Variants in TOPAZ1 observed in about 807,000 individuals in gnomAD.
The protein encoded by TOPAZ1 is testis and ovary specific TOPAZ 1, also known as protein TOPAZ1.
TOPAZ1 carries 66 observed loss-of-function variants against 172.2 expected under a neutral mutation model. The observed-to-expected ratio is 0.38, with a 90% CI of 0.31 to 0.47. The LOEUF is 0.47. Ranked by LOEUF, TOPAZ1 falls within the 20% of genes least tolerant of loss-of-function variation. The probability of loss-of-function intolerance (pLI) is 0.99; values close to 1 mark genes in which losing one functional copy is unlikely to be tolerated. For missense variants in TOPAZ1, 1,822 were observed against 1,972.4 expected (o/e 0.92, Z 1.44); for synonymous variants, 681 against 683.9 (o/e 1.00, Z 0.07).
At chr3:44,304,815 C>T (rs1700316336) in intron 13 of TOPAZ1, among the ~76,000 whole-genome samples, 1 of 152,178 alleles carries the variant, frequency 6.6e-6, no homozygotes, top group Non-Finnish European at 1.5e-5. Context: ...TCAAATTATG[C>T]TGCTCATCAT....
intron 16 of TOPAZ1, among the ~76,000 whole-genome samples, chr3:44,311,162 G>T (rs1700393972): frequency 6.6e-6 from 1 of 152,056 alleles, no homozygotes; most frequent in Non-Finnish European, 1.5e-5. Context: ...TCATATATGG[G>T]AAATATATGT....
chr3:44,291,345 G>A (rs1700135488), intron 12 of TOPAZ1, among the ~76,000 whole-genome samples: 2 of 149,504 alleles, frequency 1.3e-5, no homozygotes, highest in South Asian at 4.2e-4. Flanking sequence ...GCTCACGCCT[G>A]TAATCCCAGC....
intron 4 of TOPAZ1, among the ~76,000 whole-genome samples, chr3:44,256,727 C>A (rs1398549227): frequency 6.6e-6 from 1 of 152,024 alleles, no homozygotes; most frequent in Non-Finnish European, 1.5e-5. Flanking sequence ...CTTCTAATAC[C>A]ATGGTAGGCT....
intron 18 of TOPAZ1, 140 bp downstream of exon 18, chr3:44,323,435 C>A: frequency 2.1e-6 from 1 of 479,934 alleles, no homozygotes; most frequent in Non-Finnish European, 3.5e-6. Context: ...CTCAACAGAT[C>A]TGTGCTCTCT....
At chr3:44,264,961 G>T (rs1699814156) in intron 5 of TOPAZ1, among the ~76,000 whole-genome samples, 1 of 152,162 alleles carries the variant, frequency 6.6e-6, no homozygotes, top group Non-Finnish European at 1.5e-5. Flanking sequence ...CTCCACATTT[G>T]CAGTGACTTC....
At chr3:44,248,834 C>A (rs767768353) in intron 2 of TOPAZ1, among the ~76,000 whole-genome samples, 1 of 152,140 alleles carries the variant, frequency 6.6e-6, no homozygotes, top group Non-Finnish European at 1.5e-5. Context: ...AACAAGTAGA[C>A]AAACTTGAGC....
At chr3:44,285,229 G>A (rs1700064962) in intron 9 of TOPAZ1, among the ~76,000 whole-genome samples, 1 of 152,126 alleles carries the variant, frequency 6.6e-6, no homozygotes, top group Non-Finnish European at 1.5e-5. Flanking sequence ...CTGGGAGCCT[G>A]AGGTGGGTGG....
At position 44,321,046 on chromosome 3, in the gene TOPAZ1, T is replaced by C; in HGVS notation, c.4326T>C (p.Asn1442=). The change falls in exon 17 of 20, where the codon AAT becomes AAC. Residue 1442 remains asparagine (N), a synonymous_variant. Coordinates refer to ENST00000309765, the MANE Select transcript of TOPAZ1 (RefSeq NM_001145030.2). ...WVMRESEWII[N]TPLWPCDRLD... ...TGGAAGAGTCAGAGTGGATAATCAATACGCCTCTGTGGCCTTGTGATAGAC... is the reference window on the plus strand; with the variant it reads ...TGGAAGAGTCAGAGTGGATAATCAACACGCCTCTGTGGCCTTGTGATAGAC... 1 of 1,548,068 alleles carries C rather than the reference T, an allele frequency of 6.5e-7. No homozygotes were observed. The highest frequency in any genetic ancestry group is 8.7e-7 in the Non-Finnish European group (1 of 1,145,404).
chr3:44,260,903 T>C (rs1423122734), intron 4 of TOPAZ1, among the ~76,000 whole-genome samples: 2 of 152,192 alleles, frequency 1.3e-5, no homozygotes, highest in African/African-American at 4.8e-5. Context: ...TTCTACCATT[T>C]ATTGAATCAT....
Position 44,243,824 on chromosome 3 carries a change from A to G in TOPAZ1, c.1318A>G (p.Met440Val), listed in dbSNP as rs1699521724. ...NASEPLGYESMASKEDFKSMK... is the reference protein window; with the variant it reads ...NASEPLGYESVASKEDFKSMK... Reference sequence around the variant, plus strand: ...TTCAGAGCCGTTAGGTTATGAAAGCATGGCATCGAAAGAGGATTTTAAATC... The same window carrying G: ...TTCAGAGCCGTTAGGTTATGAAAGCGTGGCATCGAAAGAGGATTTTAAATC... The change falls in exon 2 of 20, where the codon ATG (methionine) becomes GTG (valine). Residue 440 changes from methionine to valine, a missense_variant. Around this residue, in one of 2 missense-constraint regions of TOPAZ1, gnomAD observed 1,489 missense variants for 1,490.8 expected, o/e 1.00. Coordinates refer to ENST00000309765, the MANE Select transcript of TOPAZ1 (RefSeq NM_001145030.2). The G allele has an allele frequency of 2.6e-6, 4 of 1,551,662 alleles. No homozygotes were observed. In the African/African-American group the frequency reaches 4.1e-5, roughly 16 times the overall value.
chr3:44,296,385 A>C (rs1700194134), intron 12 of TOPAZ1, among the ~76,000 whole-genome samples: 1 of 151,072 alleles, frequency 6.6e-6, no homozygotes, highest in South Asian at 2.1e-4. Context: ...TGTTTGTTTG[A>C]AAAGATCAAT....
intron 12 of TOPAZ1, among the ~76,000 whole-genome samples, chr3:44,291,602 T>C (rs1700138823): frequency 7.7e-6 from 1 of 130,652 alleles, no homozygotes; most frequent in Non-Finnish European, 1.7e-5. Flanking sequence ...CAAAAATAAA[T>C]AAATAAATAA....
rs1559541186 is a variant in TOPAZ1, at chr3:44,296,871, A to AAAAAAG, written c.3797+5989_3797+5990insAGAAAA. Among the ~76,000 whole-genome samples, 32 of 140,234 alleles carry AAAAAAG rather than the reference A, an allele frequency of 2.3e-4. 1 individual carries two copies. Among genetic ancestry groups the AAAAAAG allele is most frequent in the African/African-American group, 6.2e-4 (23 of 37,354 alleles). 92.0% of individuals were successfully genotyped at this position (140,234 alleles called of 152,430 possible). A position where few individuals can be genotyped will look rare whatever the true frequency, so the allele number is the denominator to read the frequency against. On this transcript the variant is annotated intron_variant, in intron 12 of 19. Coordinates refer to ENST00000309765, the MANE Select transcript of TOPAZ1 (RefSeq NM_001145030.2). ...CCAAAAAAAAAAAAAAAAAGAAAAA[A>AAAAAAG]AAAAGAAAAGCAAATTACGGCCGGG...
At position 44,314,941 on chromosome 3, in the gene TOPAZ1, C is replaced by T. The variant is rs573069821; in HGVS notation, c.4306+4951C>T. ...ATAGTGACGTTTTCTCATACCTTAC[C>T]TGTGTTCCTAAACCATACCCCCTCA... On this transcript the variant is annotated intron_variant, in intron 16 of 19. Coordinates refer to ENST00000309765, the MANE Select transcript of TOPAZ1 (RefSeq NM_001145030.2). Among the ~76,000 whole-genome samples the T allele has an allele frequency of 1.4e-3, 219 of 152,196 alleles. 1 individual carries two copies. Among genetic ancestry groups the T allele is most frequent in the Non-Finnish European group, 2.4e-3 (162 of 68,040 alleles).
chr3:44,300,367 G>T (rs1463130120), intron 12 of TOPAZ1, among the ~76,000 whole-genome samples: 3 of 152,060 alleles, frequency 2.0e-5, no homozygotes, highest in Non-Finnish European at 4.4e-5. Context: ...AACCCAGGTT[G>T]TAGTGAACTG....
chr3:44,242,214 C>T lies in TOPAZ1; in HGVS notation c.161C>T (p.Ala54Val), dbSNP rs949705695. The change falls in exon 1 of 20, where the codon GCC becomes GTC. Residue 54 changes from alanine (A) to valine (V), a missense_variant. Coordinates refer to ENST00000309765, the MANE Select transcript of TOPAZ1 (RefSeq NM_001145030.2). ...RENKQKRRMVARATPGRGEVE... is the reference protein window; with the variant it reads ...RENKQKRRMVVRATPGRGEVE... ...AATAAGCAAAAGAGGAGAATGGTGGCCCGGGCCACCCCTGGGAGAGGCGAG... is the reference window on the plus strand; with the variant it reads ...AATAAGCAAAAGAGGAGAATGGTGGTCCGGGCCACCCCTGGGAGAGGCGAG... 4 of 1,544,506 alleles carry T rather than the reference C, an allele frequency of 2.6e-6. No homozygotes were observed. In the South Asian group the frequency reaches 3.6e-5, roughly 14 times the overall value.
downstream of TOPAZ1, among the ~76,000 whole-genome samples, chr3:44,335,542 T>G (rs1186588948): frequency 1.3e-5 from 2 of 152,080 alleles, no homozygotes; most frequent in African/African-American, 4.8e-5. Flanking sequence ...GAGAATCACT[T>G]GAGCTTGGGA....
chr3:44,244,188 G>T lies in TOPAZ1; in HGVS notation c.1682G>T (p.Ser561Ile). Reference protein sequence around the residue: ...SLTETNTESSSKEKLDSNSNC... With the variant: ...SLTETNTESSIKEKLDSNSNC... Reference sequence around the variant, plus strand: ...ACAGAAACAAACACTGAATCTTCAAGTAAAGAAAAATTAGATTCTAATTCT... The same window carrying T: ...ACAGAAACAAACACTGAATCTTCAATTAAAGAAAAATTAGATTCTAATTCT... Residue 561 changes from serine (S) to isoleucine (I), a missense_variant, in exon 2 of 20, where the codon AGT (serine) becomes ATT (isoleucine). Coordinates refer to ENST00000309765, the MANE Select transcript of TOPAZ1 (RefSeq NM_001145030.2). The T allele has an allele frequency of 1.9e-6, 3 of 1,550,194 alleles. No homozygotes were observed. The highest frequency in any genetic ancestry group is 2.6e-6 in the Non-Finnish European group (3 of 1,146,350).
chr3:44,312,028 C>T (rs1379110187), intron 16 of TOPAZ1, among the ~76,000 whole-genome samples: 1 of 151,840 alleles, frequency 6.6e-6, no homozygotes, highest in Non-Finnish European at 1.5e-5. Flanking sequence ...ACTGCACACA[C>T]ATTTATACCT....
Sources: gnomAD v4.1 joint callset for allele counts (sites outside exome capture counted in the v4.1 genomes callset) on GRCh38, gnomAD v4.1.1 for gene constraint, gnomAD v4.1.1 regional missense constraint, MANE v1.5 for transcripts, NCBI Gene and HGNC (gene_info 2026-07-23, HGNC 2026-07-21) for gene names.